PBX3: variants seen among roughly 807,000 people sequenced by gnomAD.
PBX3 encodes pre-B-cell leukemia transcription factor 3.
A neutral mutation model predicts 48.5 loss-of-function variants in PBX3; 14 were observed. The ratio of observed to expected loss-of-function variants is 0.29; its 90% confidence interval spans 0.19 to 0.45. PBX3 has a LOEUF of 0.45. PBX3 is among the 20% of genes least tolerant of loss of function. The pLI is 1.00. For missense variants in PBX3, 386 were observed against 546.7 expected, an observed-to-expected ratio of 0.71 and a Z score of 2.93; for synonymous variants, 210 against 200.3, an observed-to-expected ratio of 1.05 and a Z score of -0.41.
chr9:125,937,751 C>T (rs1270542043), intron 5 of PBX3, among the ~76,000 whole-genome samples: 1 of 152,176 alleles, frequency 6.6e-6, no homozygotes, highest in Non-Finnish European at 1.5e-5. Flanking sequence ...TAACTTTGAA[C>T]TCCTGGGCTC....
intron 3 of PBX3, among the ~76,000 whole-genome samples, chr9:125,923,488 G>T (rs1023926541): frequency 1.3e-5 from 2 of 152,124 alleles, no homozygotes; most frequent in African/African-American, 2.4e-5. Context: ...TCGTAAAAGC[G>T]TTTGGGTTGG....
At chr9:125,783,904 G>A (rs1426829152) in intron 2 of PBX3, among the ~76,000 whole-genome samples, 1 of 152,080 alleles carries the variant, frequency 6.6e-6, no homozygotes, top group Non-Finnish European at 1.5e-5. Context: ...TGGACGCTGA[G>A]GTGGGAGGAT....
rs1444351773 is a variant in PBX3, at chr9:125,766,116, A to AT, written c.274+17501dup. Reference sequence around the variant, plus strand: ...AGAGGGCAGGGACTATCTGTCATCTATTTTTTTTAGCACACAGAATCTGCT... The same window carrying AT: ...AGAGGGCAGGGACTATCTGTCATCTATTTTTTTTTAGCACACAGAATCTGCT... On this transcript the variant is annotated intron_variant, in intron 2 of 8. Coordinates refer to ENST00000373489, the MANE Select transcript of PBX3 (RefSeq NM_006195.6). 5.3e-5 allele frequency among the ~76,000 whole-genome samples: 8 copies of AT among 151,758 alleles called. No homozygotes were observed. The South Asian group carries it at 1.2e-3, about 24-fold the overall frequency.
intron 2 of PBX3, among the ~76,000 whole-genome samples, chr9:125,809,406 A>G (rs972532513): frequency 1.3e-5 from 2 of 149,500 alleles, no homozygotes; most frequent in African/African-American, 2.4e-5. Flanking sequence ...TTATTGTAAC[A>G]TTATTTTCCA....
chr9:125,864,843 T>C (rs573094806), intron 2 of PBX3, among the ~76,000 whole-genome samples: 19 of 152,296 alleles, frequency 1.2e-4, no homozygotes, highest in South Asian at 6.2e-4. Context: ...GACTTGGGGA[T>C]TGGGGACTGC....
rs1836435343 is a variant in PBX3 at position 125,753,726 on chromosome 9, A to G, written c.274+5103A>G. On this transcript the variant is annotated intron_variant, in intron 2 of 8. Transcript: ENST00000373489. Reference sequence around the variant, plus strand: ...AATTTACATAATTTTATTCTGAATTAGAAGTCTTTTAATACACTAGCAAAG... The same window carrying G: ...AATTTACATAATTTTATTCTGAATTGGAAGTCTTTTAATACACTAGCAAAG... Among the ~76,000 whole-genome samples, 4 of 152,082 alleles carry G rather than the reference A, an allele frequency of 2.6e-5. No homozygotes were observed. The South Asian group carries it at 6.2e-4, about 24-fold the overall frequency.
At chr9:125,839,576 G>A (rs1839231862) in intron 2 of PBX3, among the ~76,000 whole-genome samples, 1 of 152,198 alleles carries the variant, frequency 6.6e-6, no homozygotes, top group African/African-American at 2.4e-5. Context: ...TTTAATGTAG[G>A]TAGAAGGAGA....
chr9:125,919,898 A>G (rs1025487955), intron 3 of PBX3, among the ~76,000 whole-genome samples: 1 of 152,218 alleles, frequency 6.6e-6, no homozygotes, highest in Non-Finnish European at 1.5e-5. Context: ...TTTTATGTGT[A>G]TGTTTTAGAG....
chr9:125,844,439 C>T (rs1839374522), intron 2 of PBX3: 2 of 151,898 alleles, frequency 1.3e-5, no homozygotes, highest in South Asian at 4.1e-4. Context: ...CAAAATATTA[C>T]CATAATGTAA....
At chr9:125,749,240 G>T (rs1321359117) in intron 2 of PBX3, 1 of 152,238 alleles carries the variant, frequency 6.6e-6, no homozygotes, top group Non-Finnish European at 1.5e-5. Context: ...AATATATAAA[G>T]TATAAAAAGG....
At chr9:125,873,783 G>A (rs909792035) in intron 2 of PBX3, among the ~76,000 whole-genome samples, 3 of 151,774 alleles carry the variant, frequency 2.0e-5, no homozygotes, top group Non-Finnish European at 4.4e-5. Context: ...GAACCTAAAA[G>A]AACAGCTAGA....
At chr9:125,938,058 C>T (rs961255980) in intron 5 of PBX3, among the ~76,000 whole-genome samples, 1 of 152,168 alleles carries the variant, frequency 6.6e-6, no homozygotes, top group Non-Finnish European at 1.5e-5. Flanking sequence ...AGAAAACCAA[C>T]TTTAAAAATA....
Position 125,931,878 on chromosome 9 carries a change from C to T in PBX3, c.707+2033C>T, listed in dbSNP as rs74309974. ...TTAGATAGATTTTTATTTAAACTAACATTTTAATGAAAATCTTCATTGATT... is the reference window on the plus strand; with the variant it reads ...TTAGATAGATTTTTATTTAAACTAATATTTTAATGAAAATCTTCATTGATT... On this transcript the variant is annotated intron_variant, in intron 4 of 8. Coordinates refer to ENST00000373489, the MANE Select transcript of PBX3 (RefSeq NM_006195.6). Among the ~76,000 whole-genome samples the T allele has an allele frequency of 4.6e-5, 7 of 152,206 alleles. No individual in the cohort carries two copies. The East Asian group carries it at 1.4e-3, about 29-fold the overall frequency.
At chr9:125,817,107 C>T (rs576993440) in intron 2 of PBX3, among the ~76,000 whole-genome samples, 1 of 152,278 alleles carries the variant, frequency 6.6e-6, no homozygotes, top group South Asian at 2.1e-4. Context: ...AAGAATTATT[C>T]TGTGTTGATA....
intron 2 of PBX3, among the ~76,000 whole-genome samples, chr9:125,909,001 A>T (rs1469951088): frequency 6.6e-6 from 1 of 152,012 alleles, no homozygotes; most frequent in Non-Finnish European, 1.5e-5. Flanking sequence ...AGCATACTTC[A>T]TATCTTGCCC....
chr9:125,932,025 G>GT (rs559321037), intron 4 of PBX3, among the ~76,000 whole-genome samples: 184 of 152,236 alleles, frequency 1.2e-3, no homozygotes, highest in African/African-American at 4.3e-3. Flanking sequence ...TCTTTCCTGT[G>GT]TTTCTTCCAA....
At chr9:125,848,590 A>G (rs1190285415) in intron 2 of PBX3, among the ~76,000 whole-genome samples, 1 of 152,040 alleles carries the variant, frequency 6.6e-6, no homozygotes, top group African/African-American at 2.4e-5. Context: ...TAGAAGACAA[A>G]TAGTCTTACT....
chr9:125,862,727 C>T (rs909198330), intron 2 of PBX3, among the ~76,000 whole-genome samples: 5 of 152,038 alleles, frequency 3.3e-5, no homozygotes, highest in Admixed American at 3.3e-4. Flanking sequence ...CACCAACATT[C>T]TTGATTACAC....
chr9:125,910,358 G>C (rs1452160734), intron 2 of PBX3, among the ~76,000 whole-genome samples: 2 of 152,082 alleles, frequency 1.3e-5, no homozygotes, highest in Admixed American at 6.6e-5. Context: ...ATGAATGGCT[G>C]CATTATTGCT....
Sources: allele counts gnomAD v4.1 joint callset (sites outside exome capture counted in the v4.1 genomes callset), GRCh38; gene constraint gnomAD v4.1.1; transcripts MANE v1.5; gene names NCBI Gene and HGNC (gene_info 2026-07-23, HGNC 2026-07-21).